AP4M1: variants seen among roughly 807,000 people sequenced by gnomAD.
AP4M1 encodes the protein adaptor related protein complex 4 subunit mu 1.
In AP4M1, 58 loss-of-function variants were observed where a neutral mutation model predicts 62.4. The ratio of observed to expected loss-of-function variants is 0.93; its 90% CI spans 0.75 to 1.16. The LOEUF (loss-of-function observed/expected upper bound fraction) is 1.16. Among genes scored for constraint, AP4M1 ranks in the 50% most tolerant of loss-of-function variants. AP4M1 has a pLI of 0.00. For missense variants in AP4M1, 626 were observed against 585.4 expected, an observed-to-expected ratio of 1.07 and a Z score of -0.72; for synonymous variants, 290 against 239.7, an observed-to-expected ratio of 1.21 and a Z score of -1.94.
In AP4M1 at chr7:100,107,038, G is replaced by A; in HGVS notation, c.*156G>A. 8.3e-7 allele frequency: 1 copy of A among 1,208,832 alleles called. No individual in the cohort carries two copies. 74.9% of individuals were successfully genotyped at this position (1,208,832 alleles called of 1,614,324 possible). The stretch of plus-strand genomic sequence containing the variant: ...AGGGGGCAATGGGCCCAGCCTTTCT[G>A]TGGTATCTGATGCAGGAAGGACTGC... On this transcript the variant is annotated 3_prime_UTR_variant, in exon 15 of 15. Coordinates refer to ENST00000359593, the MANE Select transcript of AP4M1 (RefSeq NM_004722.4).
Position 100,107,607 on chromosome 7 carries a change from G to A in AP4M1, c.*725G>A, listed in dbSNP as rs1796669306. ...GGTGGAACCTGAGCCGGGGGCCGAG[G>A]TGCTGAGGGACAGGACCTGGATAGA... On this transcript the variant is annotated 3_prime_UTR_variant, in exon 15 of 15. Coordinates refer to ENST00000359593, the MANE Select transcript of AP4M1 (RefSeq NM_004722.4). 6.2e-7 allele frequency: 1 copy of A among 1,613,118 alleles called. No individual in the cohort carries two copies. Among genetic ancestry groups the A allele is most frequent in the Non-Finnish European group, 8.5e-7 (1 of 1,179,772 alleles).
Position 100,107,475 on chromosome 7 carries a change from C to G in AP4M1, c.*593C>G, listed in dbSNP as rs925719781. ...TGAGACCACGATGTACTTCTGGACA[C>G]TCCCAGGACCAGAGGGAGCAGTGCT... On this transcript the variant is annotated 3_prime_UTR_variant, in exon 15 of 15. Transcript: ENST00000359593. 2 of 1,613,982 alleles carry G rather than the reference C, an allele frequency of 1.2e-6. No individual in the cohort carries two copies. Among genetic ancestry groups the G allele is most frequent in the Non-Finnish European group, 8.5e-7 (1 of 1,179,924 alleles).
upstream of AP4M1, among the ~76,000 whole-genome samples, chr7:100,101,047 A>G (rs1795991248): frequency 6.6e-6 from 1 of 151,804 alleles, no homozygotes. Context: ...TAACACCTTT[A>G]CCAGGTGGGA....
chr7:100,108,146 G>A lies in AP4M1; in HGVS notation c.*1264G>A, dbSNP rs1197065288. 6.3e-7 allele frequency: 1 copy of A among 1,575,286 alleles called. No homozygotes were observed. Among genetic ancestry groups the A allele is most frequent in the Admixed American group, 1.9e-5 (1 of 52,892 alleles). On this transcript the variant is annotated 3_prime_UTR_variant, in exon 15 of 15. Transcript: ENST00000359593. ...GGGCTGCGGGGAGAAGAGGAAAGGGGGAAGTGGCACCATCTACTAAGAAGA... is the reference window on the plus strand; with the variant it reads ...GGGCTGCGGGGAGAAGAGGAAAGGGAGAAGTGGCACCATCTACTAAGAAGA...
At position 100,108,791 on chromosome 7, in the gene AP4M1, T is replaced by C. The variant is rs748680806; in HGVS notation, c.*1909T>C. The C allele has an allele frequency of 5.7e-6, 2 of 351,956 alleles. No homozygotes were observed. The highest frequency in any genetic ancestry group is 1.0e-5 in the Non-Finnish European group (2 of 194,318). 21.8% of individuals were successfully genotyped at this position (351,956 alleles called of 1,614,324 possible). A position where few individuals can be genotyped will look rare whatever the true frequency, so the allele number is the denominator to read the frequency against. On this transcript the variant is annotated 3_prime_UTR_variant, in exon 15 of 15. Transcript: ENST00000359593. ...GCATCTTAGGCCTGTATCCCAGCACTTGGGAGGCTGAGGTGGGTGGATCAC... is the reference window on the plus strand; with the variant it reads ...GCATCTTAGGCCTGTATCCCAGCACCTGGGAGGCTGAGGTGGGTGGATCAC...
rs182737301 is a variant in AP4M1, at chr7:100,104,150, C to A, written c.602C>A (p.Ser201Tyr). 6.2e-7 allele frequency: 1 copy of A among 1,613,794 alleles called. No homozygotes were observed. Among genetic ancestry groups the A allele is most frequent in the East Asian group, 2.2e-5 (1 of 44,862 alleles). ...GAGAGATTGTCTGTACTGATAGCATCTAATGTAAGTTTGAGCTCCCAAACC... is the reference window on the plus strand; with the variant it reads ...GAGAGATTGTCTGTACTGATAGCATATAATGTAAGTTTGAGCTCCCAAACC... ...VVERLSVLIA[S>Y]NGSLLKVDVQ... The change falls in exon 7 of 15, where the codon TCT (serine) becomes TAT (tyrosine). Residue 201 changes from serine to tyrosine, a missense_variant. Transcript: ENST00000359593.
At chr7:100,104,248 T>C in intron 7 of AP4M1, 94 bp downstream of exon 7, 2 of 1,066,054 alleles carry the variant, frequency 1.9e-6, no homozygotes, top group Non-Finnish European at 2.9e-6. Context: ...CCGGGCACAG[T>C]GGCTCATGCT....
At chr7:100,106,213 G>T in intron 12 of AP4M1, 28 bp from the exon 13 acceptor site, 4 of 1,613,812 alleles carry the variant, frequency 2.5e-6, no homozygotes, top group Non-Finnish European at 1.7e-6. Context: ...CCTTCCTGGG[G>T]CTGACTTTGT....
intron 14 of AP4M1, 47 bp from the exon 15 acceptor site, chr7:100,106,611 G>C: frequency 1.3e-6 from 2 of 1,585,770 alleles, no homozygotes; most frequent in South Asian, 1.1e-5. Flanking sequence ...CCCCCAGCGT[G>C]GTCAGCTTCT....
chr7:100,106,436 G>C lies in AP4M1; in HGVS notation c.1059G>C (p.Lys353Asn). ...AGGAGCTGAGCAGCCCAGAGCAGAA[G>C]GCTGAGCTGGCAGAGGGAGCCCTTC... ...LSQELSSPEQ[K>N]AELAEGALRW... is the part of the protein sequence containing the mutation. Residue 353 changes from lysine (K) to asparagine (N), a missense_variant, in exon 14 of 15, where the codon AAG becomes AAC. By Grantham distance (94) the Lys-to-Asn change is moderately conservative. Coordinates refer to ENST00000359593, the MANE Select transcript of AP4M1 (RefSeq NM_004722.4). 1.2e-6 allele frequency: 2 copies of C among 1,613,916 alleles called. No homozygotes were observed. Among genetic ancestry groups the C allele is most frequent in the Non-Finnish European group, 1.7e-6 (2 of 1,180,040 alleles).
intron 2 of AP4M1, 71 bp from the exon 3 acceptor site, chr7:100,102,604 C>T: frequency 1.4e-6 from 2 of 1,383,042 alleles, no homozygotes; most frequent in East Asian, 2.3e-5. Flanking sequence ...GATCCGAGCT[C>T]AGGTCTCCTG....
intron 2 of AP4M1, 29 bp downstream of exon 2, chr7:100,101,997 G>A: frequency 1.1e-5 from 18 of 1,612,076 alleles, no homozygotes; most frequent in Non-Finnish European, 1.5e-5. Flanking sequence ...CGGGTGAGGA[G>A]CGGGGTCCCG....
At chr7:100,101,999 G>T (rs544437184) in intron 2 of AP4M1, 31 bp downstream of exon 2, 1 of 1,611,606 alleles carries the variant, frequency 6.2e-7, no homozygotes, top group Non-Finnish European at 8.5e-7. Flanking sequence ...GGTGAGGAGC[G>T]GGGTCCCGTC....
rs150139126 is a variant in AP4M1 at position 100,106,250 on chromosome 7, C to A, written c.984C>A (p.Leu328=). 1 of 1,614,008 alleles carries A rather than the reference C, an allele frequency of 6.2e-7. No homozygotes were observed. The highest frequency in any genetic ancestry group is 1.3e-5 in the African/African-American group (1 of 74,934). Residue 328 remains leucine, a synonymous_variant, in exon 13 of 15, where the codon CTC becomes CTA. Transcript: ENST00000359593. The part of the protein sequence containing the change: ...RCDLLSKSQA[L]NVRLHLPLPR... ...CCCGTCTCCTCTGTAGCCAAGCCCT[C>A]AATGTCAGGCTGCACCTCCCCCTGC...
chr7:100,105,617 G>T, intron 11 of AP4M1, 78 bp downstream of exon 11: 2 of 1,394,688 alleles, frequency 1.4e-6, no homozygotes, highest in South Asian at 1.2e-5. Flanking sequence ...TCACTGCAGA[G>T]TGGGGGTGGT....
intron 2 of AP4M1, chr7:100,102,421 A>G: frequency 4.6e-6 from 2 of 438,286 alleles, no homozygotes; most frequent in East Asian, 3.8e-5. Flanking sequence ...AAAAAAAAAA[A>G]AGAGTCAATG....
chr7:100,100,941 G>A (rs967492414), upstream of AP4M1: 23 of 1,003,956 alleles, frequency 2.3e-5, no homozygotes, highest in East Asian at 1.7e-4. Flanking sequence ...CGGGAGCCCA[G>A]AGCCCTTAAG....
chr7:100,101,467 T>C (rs1796026024), upstream of AP4M1: 4 of 877,024 alleles, frequency 4.6e-6, no homozygotes, highest in Non-Finnish European at 7.1e-6. Flanking sequence ...GCGGCCTTCT[T>C]CACCTCCCGC....
chr7:100,106,568 A>ACCCCCC, intron 14 of AP4M1, 54 bp downstream of exon 14: 1 of 444,940 alleles, frequency 2.2e-6, no homozygotes, highest in Admixed American at 4.7e-5. Context: ...TGCAGCCCCC[A>ACCCCCC]CCCCACCCTC....
Sources: allele counts gnomAD v4.1 joint callset (sites outside exome capture counted in the v4.1 genomes callset), GRCh38; gene constraint gnomAD v4.1.1; transcripts MANE v1.5; gene names NCBI Gene and HGNC (gene_info 2026-07-23, HGNC 2026-07-21).